The following SH3D19 variants were observed in gnomAD, a reference collection of about 807,000 sequenced individuals.
SH3D19 encodes the protein SH3 domain containing 19, also known as SH3 domain-containing protein 19.
In SH3D19, 58 loss-of-function variants were observed where a neutral mutation model predicts 112.1. That is an observed-to-expected ratio of 0.52 (90% CI 0.42 to 0.64). The LOEUF is 0.64. Among genes scored for constraint, SH3D19 ranks in the 30% least tolerant of loss-of-function variants. The pLI, the probability that SH3D19 is intolerant of heterozygous loss-of-function variation, is 0.00. For synonymous variants in SH3D19, 391 were observed against 448.5 expected (o/e 0.87, Z 1.62); for missense variants, 1,090 against 1,263.4 (o/e 0.86, Z 2.08).
intron 2 of SH3D19, among the ~76,000 whole-genome samples, chr4:151,206,242 T>C (rs984521948): frequency 5.3e-5 from 8 of 152,176 alleles, no homozygotes; most frequent in Non-Finnish European, 1.2e-4. Flanking sequence ...TACAAATAAA[T>C]GATAGGATAT....
intron 1 of SH3D19, among the ~76,000 whole-genome samples, chr4:151,298,678 C>T (rs888899898): frequency 1.3e-5 from 2 of 152,170 alleles, no homozygotes; most frequent in African/African-American, 4.8e-5. Flanking sequence ...CTCTTCTCCA[C>T]ATCACCTTTA....
At chr4:151,145,327 C>A (rs931733385) in intron 11 of SH3D19, among the ~76,000 whole-genome samples, 1 of 152,140 alleles carries the variant, frequency 6.6e-6, no homozygotes, top group Non-Finnish European at 1.5e-5. Flanking sequence ...ATCTGGATGG[C>A]CTGAAGCAGC....
chr4:151,261,653 T>C lies in SH3D19; in HGVS notation c.113-35567A>G, dbSNP rs999576521. On this transcript the variant is annotated intron_variant, in intron 1 of 19. Transcript: ENST00000604030. ...GATATACTACAGTAATCTGAGGTGC[T>C]TCAGACTTCAAATTCTCTGTGACCC... 2.0e-5 allele frequency: 3 copies of C among 152,362 alleles called. No homozygotes were observed. In the East Asian group the frequency reaches 5.8e-4, roughly 29 times the overall value. The allele number at this position is 152,362 out of a possible 1,614,324, so 9.4% of individuals were successfully genotyped here.
At chr4:151,300,252 AC>A (rs1728254573) in intron 1 of SH3D19, among the ~76,000 whole-genome samples, 1 of 152,138 alleles carries the variant, frequency 6.6e-6, no homozygotes, top group African/African-American at 2.4e-5. Context: ...CTGAGAAGGA[AC>A]AACCTATTGA....
intron 1 of SH3D19, among the ~76,000 whole-genome samples, chr4:151,241,305 GTAAA>G (rs1316674033): frequency 1.3e-5 from 2 of 151,534 alleles, no homozygotes; most frequent in African/African-American, 4.9e-5. Context: ...AAATAAATAC[GTAAA>G]TAAATAAGTA....
intron 1 of SH3D19, among the ~76,000 whole-genome samples, chr4:151,313,765 T>C (rs1205706047): frequency 1.3e-5 from 2 of 152,146 alleles, no homozygotes; most frequent in Non-Finnish European, 1.5e-5. Context: ...GTAGCTCCAG[T>C]AGTCTCCACT....
At chr4:151,188,646 A>G (rs979349260) in intron 2 of SH3D19, among the ~76,000 whole-genome samples, 1 of 152,204 alleles carries the variant, frequency 6.6e-6, no homozygotes, top group African/African-American at 2.4e-5. Context: ...TGAATACATC[A>G]CAATCTCCTT....
rs1221733454 is a variant in SH3D19 at position 151,128,325 on chromosome 4, G to T, written c.2774C>A (p.Ala925Asp). 6.2e-6 allele frequency: 10 copies of T among 1,613,778 alleles called. No homozygotes were observed. In the South Asian group the frequency reaches 1.1e-4, roughly 18 times the overall value. Residue 925 changes from alanine to aspartate, a missense_variant, in exon 18 of 20, where the codon GCT becomes GAT. Ala to Asp is a moderately radical substitution (Grantham distance 126). Coordinates refer to ENST00000604030, the MANE Select transcript of SH3D19 (RefSeq NM_001378122.1). ...VNSLPAEWCE[A>D]LHSFTAETSD... ...GGTCTCTGCTGTAAAACTGTGAAGA[G>T]CTTCACACCATTCTGCCGGAAGACT...
At position 151,175,056 on chromosome 4, in the gene SH3D19, A is replaced by C; in HGVS notation, c.1148T>G (p.Leu383Trp). 6.2e-7 allele frequency: 1 copy of C among 1,614,164 alleles called. No homozygotes were observed. The highest frequency in any genetic ancestry group is 1.7e-5 in the Admixed American group (1 of 60,016). Residue 383 changes from leucine (L) to tryptophan (W), a missense_variant, in exon 7 of 20, where the codon TTG (leucine) becomes TGG (tryptophan). Leu to Trp is a moderately conservative substitution (Grantham distance 61). Coordinates refer to ENST00000604030, the MANE Select transcript of SH3D19 (RefSeq NM_001378122.1). Reference protein sequence around the residue: ...AGSIPVTKPELPKKPNPGLIR... With the variant: ...AGSIPVTKPEWPKKPNPGLIR... ...AAGGCCAGGGTTTGGTTTCTTTGGCAATTCAGGTTTGGTTACTGGGATGCT... is the reference window on the plus strand; with the variant it reads ...AAGGCCAGGGTTTGGTTTCTTTGGCCATTCAGGTTTGGTTACTGGGATGCT...
chr4:151,227,777 C>T, intron 1 of SH3D19: 1 of 985,456 alleles, frequency 1.0e-6, no homozygotes, highest in Non-Finnish European at 1.2e-6. Flanking sequence ...TAAAGCCGAG[C>T]TAAAACTCTG....
chr4:151,145,977 G>A (rs769794210), intron 11 of SH3D19, among the ~76,000 whole-genome samples: 5 of 152,086 alleles, frequency 3.3e-5, no homozygotes, highest in Non-Finnish European at 7.3e-5. Context: ...CTCATAATTA[G>A]TACTCAATAT....
chr4:151,193,295 C>A (rs1328144551), intron 2 of SH3D19, among the ~76,000 whole-genome samples: 2 of 150,382 alleles, frequency 1.3e-5, no homozygotes, highest in Non-Finnish European at 3.0e-5. Context: ...TATAAAAAGT[C>A]ATCTTGATGA....
chr4:151,187,661 T>C (rs965030586), intron 2 of SH3D19, among the ~76,000 whole-genome samples, 198 bp from the exon 3 acceptor site: 2 of 152,194 alleles, frequency 1.3e-5, no homozygotes, highest in Admixed American at 1.3e-4. Flanking sequence ...ATGGGAAATA[T>C]ATTTGCAGTG....
At chr4:151,198,141 A>C (rs1580108633) in intron 2 of SH3D19, among the ~76,000 whole-genome samples, 2 of 151,266 alleles carry the variant, frequency 1.3e-5, no homozygotes. Context: ...TCATCTCTAC[A>C]AAAAATACAA....
intron 3 of SH3D19, among the ~76,000 whole-genome samples, chr4:151,179,777 T>C (rs1208320619): frequency 2.0e-5 from 3 of 152,256 alleles, no homozygotes; most frequent in Admixed American, 6.5e-5. Context: ...CCAATCTATA[T>C]GACTATGCTT....
chr4:151,209,499 C>T (rs1218602171), intron 2 of SH3D19, among the ~76,000 whole-genome samples: 2 of 152,100 alleles, frequency 1.3e-5, no homozygotes, highest in South Asian at 2.1e-4. Flanking sequence ...AGGCTGGTCC[C>T]GAACTCCTGA....
At chr4:151,190,949 T>G (rs6535767) in intron 2 of SH3D19, among the ~76,000 whole-genome samples, 139,467 of 152,248 alleles carry the variant, frequency 0.92, 64,112 homozygotes, top group Non-Finnish European at 0.95. Context: ...AAGCAGCTGG[T>G]GGGGAGGCTA....
chr4:151,317,556 A>G (rs1222862778), intron 1 of SH3D19, among the ~76,000 whole-genome samples: 2 of 152,192 alleles, frequency 1.3e-5, no homozygotes, highest in Non-Finnish European at 2.9e-5. Context: ...AGAAAACAGA[A>G]CGAAGGGATG....
chr4:151,280,163 A>C (rs2150006842), intron 1 of SH3D19, among the ~76,000 whole-genome samples: 1 of 68,902 alleles, frequency 1.5e-5, no homozygotes, highest in East Asian at 4.0e-4. Context: ...ACTATATTAA[A>C]GACTTTTCTT....
Sources: allele counts gnomAD v4.1 joint callset (sites outside exome capture counted in the v4.1 genomes callset), GRCh38; gene constraint gnomAD v4.1.1; transcripts MANE v1.5; gene names NCBI Gene and HGNC (gene_info 2026-07-23, HGNC 2026-07-21).